DLGAP2: variants seen among roughly 807,000 people sequenced by gnomAD.
DLGAP2 encodes the protein disks large-associated protein 2.
A neutral mutation model predicts 100.3 loss-of-function variants in DLGAP2; 26 were observed. The ratio of observed to expected loss-of-function variants is 0.26; its 90% CI spans 0.19 to 0.36. DLGAP2 has a LOEUF of 0.36. DLGAP2 is among the 10% of genes least tolerant of loss of function. The probability of loss-of-function intolerance (pLI) is 1.00; values close to 1 mark genes in which losing one functional copy is unlikely to be tolerated. For missense variants in DLGAP2, 1,858 were observed against 1,453.2 expected, an observed-to-expected ratio of 1.28 and a Z score of -4.53; for synonymous variants, 886 against 630.1, an observed-to-expected ratio of 1.41 and a Z score of -6.08.
intron 8 of DLGAP2, among the ~76,000 whole-genome samples, chr8:1,640,455 G>T (rs1797870960): frequency 6.6e-6 from 1 of 152,220 alleles, no homozygotes; most frequent in African/African-American, 2.4e-5. Flanking sequence ...TATCGTGCGG[G>T]AGTCGGTCCG....
At chr8:1,288,787 T>C (rs1455056795) in intron 3 of DLGAP2, among the ~76,000 whole-genome samples, 9 of 151,388 alleles carry the variant, frequency 5.9e-5, no homozygotes, top group African/African-American at 2.2e-4. Flanking sequence ...TGTGTGTGTG[T>C]GGTTGTTAGG....
intron 3 of DLGAP2, among the ~76,000 whole-genome samples, chr8:1,446,921 G>A (rs1304692175): frequency 1.3e-5 from 2 of 152,172 alleles, no homozygotes; most frequent in Non-Finnish European, 2.9e-5. Flanking sequence ...AAGAATGCTT[G>A]TGATTTTTGT....
chr8:1,678,442 C>T lies in DLGAP2; in HGVS notation c.2517C>T (p.Thr839=). 6.2e-7 allele frequency: 1 copy of T among 1,613,656 alleles called. No homozygotes were observed. The highest frequency in any genetic ancestry group is 8.5e-7 in the Non-Finnish European group (1 of 1,179,754). ...AAGACTATCGGACCCAAGTGGACACCTCCACCCTGCCCCCTCCAGACCCCT... is the reference window on the plus strand; with the variant it reads ...AAGACTATCGGACCCAAGTGGACACTTCCACCCTGCCCCCTCCAGACCCCT... The part of the protein sequence containing the change: ...YREDYRTQVD[T]STLPPPDPWL... Residue 839 remains threonine (T), a synonymous_variant, in exon 12 of 15, where the codon ACC becomes ACT. Coordinates refer to ENST00000637795, the MANE Select transcript of DLGAP2 (RefSeq NM_001346810.2).
chr8:800,952 C>CA (rs942591384), intron 1 of DLGAP2, among the ~76,000 whole-genome samples: 14 of 151,978 alleles, frequency 9.2e-5, no homozygotes, highest in Non-Finnish European at 1.8e-4. Flanking sequence ...TGTTGTGCCC[C>CA]CCCACCCTTC....
intron 2 of DLGAP2, among the ~76,000 whole-genome samples, chr8:987,198 G>A (rs1216378051): frequency 6.6e-6 from 1 of 152,160 alleles, no homozygotes; most frequent in East Asian, 1.9e-4. Flanking sequence ...TGTCTTTGCA[G>A]GAGTGCCAGG....
At position 787,635 on chromosome 8, in the gene DLGAP2, G is replaced by T. The variant is rs1320658201; in HGVS notation, c.18+49810G>T. Among the ~76,000 whole-genome samples, 6 of 152,286 alleles carry T rather than the reference G, an allele frequency of 3.9e-5. No homozygotes were observed. In the East Asian group the frequency reaches 1.2e-3, roughly 30 times the overall value. Reference sequence around the variant, plus strand: ...CGCCCGGAGTCAGGTTCCACCAGCCGGTGGCCTCTTCCCCCCTTGGCCTTG... The same window carrying T: ...CGCCCGGAGTCAGGTTCCACCAGCCTGTGGCCTCTTCCCCCCTTGGCCTTG... On this transcript the variant is annotated intron_variant, in intron 1 of 14. Transcript: ENST00000637795.
intron 12 of DLGAP2, 104 bp from the exon 13 acceptor site, chr8:1,691,431 C>A: frequency 2.1e-6 from 2 of 961,728 alleles, no homozygotes; most frequent in Non-Finnish European, 3.1e-6. Flanking sequence ...CGTCAGTTTT[C>A]ATCTCCAGTG....
At chr8:1,500,671 A>G (rs934457865) in intron 3 of DLGAP2, among the ~76,000 whole-genome samples, 3 of 152,244 alleles carry the variant, frequency 2.0e-5, no homozygotes, top group African/African-American at 4.8e-5. Flanking sequence ...TGCCCCACAC[A>G]TGGAGGGAAG....
chr8:902,439 G>T (rs919334493), intron 1 of DLGAP2, among the ~76,000 whole-genome samples: 6 of 149,542 alleles, frequency 4.0e-5, no homozygotes, highest in African/African-American at 1.2e-4. Flanking sequence ...GAGAGTGGGG[G>T]GTCCAGGCGT....
chr8:1,156,604 TAGCGTC>T, intron 2 of DLGAP2, among the ~76,000 whole-genome samples: 1 of 22,652 alleles, frequency 4.4e-5, no homozygotes, highest in African/African-American at 1.5e-4. Flanking sequence ...CGCCCCAGCC[TAGCGTC>T]CCAGCCCAGC....
intron 2 of DLGAP2, among the ~76,000 whole-genome samples, chr8:1,135,511 T>TTTG (rs1796389443): frequency 7.5e-6 from 1 of 133,084 alleles, no homozygotes; most frequent in South Asian, 2.5e-4. Context: ...GGGTTTTTTT[T>TTTG]TTTTTTTTTT....
intron 1 of DLGAP2, among the ~76,000 whole-genome samples, chr8:769,063 T>C (rs1169881562): frequency 6.6e-6 from 1 of 152,068 alleles, no homozygotes; most frequent in Non-Finnish European, 1.5e-5. Flanking sequence ...GCGTGCATGG[T>C]CAGGTGTGGT....
chr8:1,525,692 T>C (rs958364915), intron 4 of DLGAP2, among the ~76,000 whole-genome samples: 4 of 152,262 alleles, frequency 2.6e-5, no homozygotes, highest in African/African-American at 9.6e-5. Flanking sequence ...CCTCTGCTTA[T>C]ACAGTGTATC....
At chr8:957,382 A>G (rs1478042614) in intron 2 of DLGAP2, among the ~76,000 whole-genome samples, 1 of 152,208 alleles carries the variant, frequency 6.6e-6, no homozygotes, top group Non-Finnish European at 1.5e-5. Flanking sequence ...TCGTTGATCT[A>G]TAGAAAACGC....
At chr8:966,749 G>A (rs564572969) in intron 2 of DLGAP2, among the ~76,000 whole-genome samples, 1 of 152,336 alleles carries the variant, frequency 6.6e-6, no homozygotes, top group Non-Finnish European at 1.5e-5. Flanking sequence ...TGGACTGAGA[G>A]TGAGCATCTG....
intron 2 of DLGAP2, among the ~76,000 whole-genome samples, chr8:1,227,743 A>G (rs1377255560): frequency 3.3e-5 from 5 of 152,194 alleles, no homozygotes; most frequent in Admixed American, 6.5e-5. Flanking sequence ...GTTATCAGGG[A>G]TGGGGTAGAG....
chr8:1,225,719 C>T (rs1798400355), intron 2 of DLGAP2, among the ~76,000 whole-genome samples: 1 of 152,176 alleles, frequency 6.6e-6, no homozygotes, highest in Non-Finnish European at 1.5e-5. Flanking sequence ...TACTGGGGAG[C>T]TCTTGGTCCA....
chr8:1,224,560 C>G (rs986929634), intron 2 of DLGAP2, among the ~76,000 whole-genome samples: 1 of 151,972 alleles, frequency 6.6e-6, no homozygotes, highest in Non-Finnish European at 1.5e-5. Flanking sequence ...ATCAATGAAA[C>G]TGTAACTTTA....
At chr8:985,781 G>A (rs1584948294) in intron 2 of DLGAP2, among the ~76,000 whole-genome samples, 3 of 152,282 alleles carry the variant, frequency 2.0e-5, no homozygotes, top group African/African-American at 7.2e-5. Context: ...TGATCCCAGT[G>A]TTTCCCCAGA....
Sources: gnomAD v4.1 joint callset for allele counts (sites outside exome capture counted in the v4.1 genomes callset) on GRCh38, gnomAD v4.1.1 for gene constraint, MANE v1.5 for transcripts, NCBI Gene and HGNC (gene_info 2026-07-23, HGNC 2026-07-21) for gene names.